Variants in NOS1 observed in about 807,000 individuals in gnomAD.
The protein encoded by NOS1 is NOS type I.
A neutral mutation model predicts 164.5 loss-of-function variants in NOS1; 51 were observed. The observed-to-expected ratio is 0.31, with a 90% CI of 0.25 to 0.39. The LOEUF (loss-of-function observed/expected upper bound fraction) is 0.39. Ranked by LOEUF, NOS1 falls within the 10% of genes least tolerant of loss-of-function variation. NOS1 has a pLI of 1.00. For synonymous variants in NOS1, 719 were observed against 745.8 expected (o/e 0.96, Z 0.59); for missense variants, 1,362 against 1,885.6 (o/e 0.72, Z 5.14).
chr12:117,242,382 T>C (rs1262060558), intron 20 of NOS1, among the ~76,000 whole-genome samples: 1 of 152,236 alleles, frequency 6.6e-6, no homozygotes, highest in Non-Finnish European at 1.5e-5. Context: ...TAAAAATCAC[T>C]CAGAAAACCT....
chr12:117,265,277 G>T (rs772022854), intron 12 of NOS1, 39 bp downstream of exon 12: 49 of 1,491,074 alleles, frequency 3.3e-5, no homozygotes, highest in Non-Finnish European at 4.3e-5. Flanking sequence ...ACCAGATACA[G>T]GACACTTAAT....
At chr12:117,255,502 G>C (rs1270092562) in intron 16 of NOS1, among the ~76,000 whole-genome samples, 2 of 152,196 alleles carry the variant, frequency 1.3e-5, no homozygotes, top group Non-Finnish European at 2.9e-5. Context: ...CATCAGGAAA[G>C]TTCTAAATAT....
intron 8 of NOS1, among the ~76,000 whole-genome samples, chr12:117,278,634 T>C (rs1239936681): frequency 6.6e-6 from 1 of 151,812 alleles, no homozygotes; most frequent in Non-Finnish European, 1.5e-5. Context: ...AATAAAAATA[T>C]AATGCAAGCC....
Position 117,278,009 on chromosome 12 carries a change from G to A in NOS1, c.1614C>T (p.Leu538=). ...ACACCAGCTCTGGAGGAATCTGGAAGAGCTCAGGGTCATTGCCGTTGGCCT... is the reference window on the plus strand; with the variant it reads ...ACACCAGCTCTGGAGGAATCTGGAAAAGCTCAGGGTCATTGCCGTTGGCCT... ...LLQANGNDPE[L]FQIPPELVLE... is the part of the protein sequence containing the mutation. Residue 538 remains leucine, a synonymous_variant, in exon 9 of 29, where the codon CTC becomes CTT. Transcript: ENST00000317775. 6.2e-7 allele frequency: 1 copy of A among 1,614,040 alleles called. No individual in the cohort carries two copies.
rs575069569 is a variant in NOS1, at chr12:117,272,699, C to A, written c.1665-140G>T. 3 of 748,730 alleles carry A rather than the reference C, an allele frequency of 4.0e-6. No homozygotes were observed. In the South Asian group the frequency reaches 6.2e-5, roughly 16 times the overall value. The allele number at this position is 748,730 out of a possible 1,614,324, so 46.4% of individuals were successfully genotyped here. ...ATGGTTCCTGGGCCCTGCTTCAGAT[C>A]TGTGGAATTGCAGGTTCTGCAGCTG... On this transcript the variant is annotated intron_variant, in intron 9 of 28. Transcript: ENST00000317775. The surrounding 1 kb of genome is among the most constrained non-coding windows in gnomAD (Gnocchi z 4.3).
intron 26 of NOS1, among the ~76,000 whole-genome samples, chr12:117,221,134 A>T (rs1004084976): frequency 2.8e-4 from 37 of 130,536 alleles, no homozygotes; most frequent in African/African-American, 1.3e-3. Context: ...ATTTATTTTT[A>T]TTTATTTATT....
Position 117,243,548 on chromosome 12 carries a change from A to ACCATCCATCCATCCATCCATCCAT in NOS1, c.2824-137_2824-114dup. 4 of 587,630 alleles carry ACCATCCATCCATCCATCCATCCAT rather than the reference A, an allele frequency of 6.8e-6. No homozygotes were observed. The East Asian group carries it at 9.5e-5, about 14-fold the overall frequency. The allele number at this position is 587,630 out of a possible 1,614,324, so 36.4% of individuals were successfully genotyped here. ...ATTCACCCATCCATCCATCTATCCA[A>ACCATCCATCCATCCATCCATCCAT]CCATCCATCCATCCATCCATCCATC... On this transcript the variant is annotated intron_variant, in intron 18 of 28. Coordinates refer to ENST00000317775, the MANE Select transcript of NOS1 (RefSeq NM_000620.5). This position sits in a 1 kb window ranked among gnomAD's most constrained non-coding sequence, Gnocchi z 4.3.
intron 2 of NOS1, among the ~76,000 whole-genome samples, chr12:117,328,931 A>T (rs1875395510): frequency 2.6e-5 from 4 of 152,246 alleles, no homozygotes; most frequent in Non-Finnish European, 5.9e-5. Flanking sequence ...TAATGCCTCC[A>T]GGCTACAAAC....
At chr12:117,358,052 C>A (rs1367076225) in intron 1 of NOS1, among the ~76,000 whole-genome samples, 1 of 152,314 alleles carries the variant, frequency 6.6e-6, no homozygotes, top group South Asian at 2.1e-4. Flanking sequence ...TTCCAAGCCC[C>A]GCACAGACCC....
intron 16 of NOS1, among the ~76,000 whole-genome samples, chr12:117,255,293 A>G (rs1046671364): frequency 6.6e-6 from 1 of 152,190 alleles, no homozygotes; most frequent in Non-Finnish European, 1.5e-5. Flanking sequence ...CAAACAAAAA[A>G]TCTGAGACCA....
intron 17 of NOS1, among the ~76,000 whole-genome samples, chr12:117,252,659 A>T (rs1871184279): frequency 6.6e-6 from 1 of 152,194 alleles, no homozygotes; most frequent in African/African-American, 2.4e-5. Context: ...GTGTGTAGGG[A>T]CAGGAGGATG....
intron 1 of NOS1, among the ~76,000 whole-genome samples, chr12:117,359,880 A>T (rs1455239793): frequency 1.1e-3 from 13 of 11,396 alleles, no homozygotes; most frequent in Non-Finnish European, 1.7e-3. Flanking sequence ...ATGGTTTTAT[A>T]TATATATATA....
chr12:117,210,483 C>G lies in NOS1; in HGVS notation c.*4826G>C. 1.0e-6 allele frequency: 1 copy of G among 985,368 alleles called. No homozygotes were observed. The highest frequency in any genetic ancestry group is 4.7e-5 in the South Asian group (1 of 21,276). The allele number at this position is 985,368 out of a possible 1,614,324, so 61.0% of individuals were successfully genotyped here. A position where few individuals can be genotyped will look rare whatever the true frequency, so the allele number is the denominator to read the frequency against. On this transcript the variant is annotated 3_prime_UTR_variant, in exon 29 of 29. Coordinates refer to ENST00000317775, the MANE Select transcript of NOS1 (RefSeq NM_000620.5). ...GCGGCATGCTGGGTATGTGGGGCAG[C>G]GGGTAGGGAAATATACAAGGAAACA...
intron 2 of NOS1, among the ~76,000 whole-genome samples, chr12:117,324,574 A>G (rs968520348): frequency 7.2e-5 from 11 of 152,294 alleles, no homozygotes; most frequent in African/African-American, 2.6e-4. Context: ...TACAAAAAAT[A>G]TAAAACAATT....
chr12:117,317,336 G>A (rs747740090), intron 2 of NOS1, among the ~76,000 whole-genome samples: 1 of 151,350 alleles, frequency 6.6e-6, no homozygotes, highest in African/African-American at 2.4e-5. Flanking sequence ...TCTCAGTTTA[G>A]ATCAGAGTTT....
chr12:117,250,931 T>C (rs1004979458), intron 17 of NOS1, among the ~76,000 whole-genome samples: 5 of 152,244 alleles, frequency 3.3e-5, no homozygotes, highest in African/African-American at 4.8e-5. Flanking sequence ...ATTTGTGTTT[T>C]TGAACTTGCT....
chr12:117,295,456 G>A (rs1873344830), intron 3 of NOS1, among the ~76,000 whole-genome samples: 1 of 152,112 alleles, frequency 6.6e-6, no homozygotes, highest in African/African-American at 2.4e-5. Context: ...TATTTTGATA[G>A]AGTCCAAGGC....
Position 117,330,093 on chromosome 12 carries a change from T to C in NOS1, c.725+252A>G, listed in dbSNP as rs1875452661. On this transcript the variant is annotated intron_variant, in intron 2 of 28. Transcript: ENST00000317775. The surrounding 1 kb of genome is among the most constrained non-coding windows in gnomAD (Gnocchi z 4.6). Reference sequence around the variant, plus strand: ...AAAGATGAGAAGACACACTGTCTGCTACCATGATGATTAATTCGCTCTGGG... The same window carrying C: ...AAAGATGAGAAGACACACTGTCTGCCACCATGATGATTAATTCGCTCTGGG... Among the ~76,000 whole-genome samples the C allele has an allele frequency of 6.6e-6, 1 of 152,242 alleles. No homozygotes were observed. The highest frequency in any genetic ancestry group is 1.5e-5 in the Non-Finnish European group (1 of 68,042).
At chr12:117,302,534 G>A (rs1052629095) in intron 3 of NOS1, among the ~76,000 whole-genome samples, 1 of 148,212 alleles carries the variant, frequency 6.7e-6, no homozygotes, top group African/African-American at 2.5e-5. Context: ...GGCAGAGCCT[G>A]CAGTGAGCCG....
Sources: gnomAD v4.1 joint callset for allele counts (sites outside exome capture counted in the v4.1 genomes callset) on GRCh38, gnomAD v4.1.1 for gene constraint, Gnocchi (gnomAD v3.1) non-coding constraint, MANE v1.5 for transcripts, NCBI Gene and HGNC (gene_info 2026-07-23, HGNC 2026-07-21) for gene names.